ANO6: variants seen among roughly 807,000 people sequenced by gnomAD.
ANO6 encodes the protein anoctamin-6.
Under a neutral mutation model 117.5 loss-of-function variants are expected in ANO6, and 106 were observed. That is an observed-to-expected ratio of 0.90 (90% CI 0.77 to 1.06). The LOEUF (loss-of-function observed/expected upper bound fraction) is 1.06, where lower values mean the gene tolerates loss of function less well. ANO6 is among the 50% of genes least tolerant of loss of function. ANO6 has a pLI of 0.00. For missense variants in ANO6, 955 were observed against 1,121.1 expected, an observed-to-expected ratio of 0.85 and a Z score of 2.12; for synonymous variants, 367 against 385.1, an observed-to-expected ratio of 0.95 and a Z score of 0.55.
intron 1 of ANO6, among the ~76,000 whole-genome samples, chr12:45,263,971 A>T (rs1259015609): frequency 2.6e-5 from 4 of 152,228 alleles, no homozygotes; most frequent in Admixed American, 2.6e-4. Context: ...CCAGTCTGTT[A>T]TCAGAGCTGG....
intron 1 of ANO6, among the ~76,000 whole-genome samples, chr12:45,221,427 C>G (rs946270685): frequency 3.3e-5 from 5 of 152,142 alleles, no homozygotes; most frequent in Non-Finnish European, 7.4e-5. Flanking sequence ...GGAGGAGAGT[C>G]TGGAGTTCCA....
chr12:45,401,079 A>G (rs1343792145), intron 12 of ANO6, among the ~76,000 whole-genome samples: 1 of 152,232 alleles, frequency 6.6e-6, no homozygotes, highest in Non-Finnish European at 1.5e-5. Flanking sequence ...ATCTTGTGGA[A>G]ATACAAGTAC....
At chr12:45,392,237 C>A (rs1292262383) in intron 12 of ANO6, among the ~76,000 whole-genome samples, 1 of 152,230 alleles carries the variant, frequency 6.6e-6, no homozygotes, top group African/African-American at 2.4e-5. Context: ...CCCAAGGAGC[C>A]TTCCTGACTG....
intron 2 of ANO6, among the ~76,000 whole-genome samples, chr12:45,306,735 C>T (rs1939682371): frequency 6.6e-6 from 1 of 151,590 alleles, no homozygotes; most frequent in Non-Finnish European, 1.5e-5. Flanking sequence ...AAAAAAAAAT[C>T]CCTGCACTTG....
chr12:45,397,584 C>A (rs1361552158), intron 12 of ANO6, among the ~76,000 whole-genome samples: 4 of 152,110 alleles, frequency 2.6e-5, no homozygotes, highest in Non-Finnish European at 5.9e-5. Flanking sequence ...TGGAACCAAC[C>A]CAAATGTCCA....
chr12:45,359,842 T>G (rs1941508642), intron 8 of ANO6, among the ~76,000 whole-genome samples: 1 of 152,212 alleles, frequency 6.6e-6, no homozygotes, highest in South Asian at 2.1e-4. Context: ...AACTGTAGGT[T>G]TAACATTTTG....
intron 2 of ANO6, among the ~76,000 whole-genome samples, chr12:45,327,824 T>C (rs1051484620): frequency 6.6e-6 from 1 of 152,074 alleles, no homozygotes; most frequent in Non-Finnish European, 1.5e-5. Flanking sequence ...TTGTGTTGAG[T>C]ATATATTTTA....
intron 9 of ANO6, among the ~76,000 whole-genome samples, chr12:45,373,431 C>T (rs1253181160): frequency 6.6e-6 from 1 of 152,112 alleles, no homozygotes; most frequent in Non-Finnish European, 1.5e-5. Context: ...CCACACCACA[C>T]CTATTCCAAA....
At chr12:45,322,979 T>C (rs1408569678) in intron 2 of ANO6, among the ~76,000 whole-genome samples, 1 of 152,166 alleles carries the variant, frequency 6.6e-6, no homozygotes, top group Non-Finnish European at 1.5e-5. Flanking sequence ...TTGTGCCAGT[T>C]TTCATGTTAA....
At chr12:45,370,161 C>T (rs1014189576) in intron 9 of ANO6, among the ~76,000 whole-genome samples, 24 of 152,384 alleles carry the variant, frequency 1.6e-4, no homozygotes, top group African/African-American at 5.3e-4. Context: ...AGCTAGGCTT[C>T]TTACCCAGTA....
At position 45,432,020 on chromosome 12, in the gene ANO6, C is replaced by G; in HGVS notation, c.*2709C>G. 2.0e-6 allele frequency: 2 copies of G among 985,296 alleles called. No homozygotes were observed. The highest frequency in any genetic ancestry group is 2.4e-6 in the Non-Finnish European group (2 of 829,858). 61.0% of individuals were successfully genotyped at this position (985,296 alleles called of 1,614,324 possible). Reference sequence around the variant, plus strand: ...ACAAGGCCATCTTATAAACTGTCACCAAAGTCTTCCCTTTTTTATTGCATG... The same window carrying G: ...ACAAGGCCATCTTATAAACTGTCACGAAAGTCTTCCCTTTTTTATTGCATG... On this transcript the variant is annotated 3_prime_UTR_variant, in exon 20 of 20. Transcript: ENST00000320560.
intron 3 of ANO6, among the ~76,000 whole-genome samples, chr12:45,332,673 C>T (rs1477115205): frequency 1.3e-5 from 2 of 152,050 alleles, no homozygotes; most frequent in Admixed American, 6.6e-5. Flanking sequence ...TGTAGCATCC[C>T]TGTTTGGCAC....
At chr12:45,261,977 A>G (rs1938052204) in intron 1 of ANO6, among the ~76,000 whole-genome samples, 1 of 152,262 alleles carries the variant, frequency 6.6e-6, no homozygotes, top group Non-Finnish European at 1.5e-5. Context: ...AGTATAATAC[A>G]TCAAGGATCA....
chr12:45,434,070 T>C (rs1217976665), downstream of ANO6, among the ~76,000 whole-genome samples: 7 of 152,202 alleles, frequency 4.6e-5, no homozygotes, highest in Admixed American at 2.0e-4. Flanking sequence ...CTTTACCAAC[T>C]GGAAGATACG....
rs562412220 is a variant in ANO6 at position 45,379,169 on chromosome 12, C to T, written c.1165+1056C>T. Among the ~76,000 whole-genome samples, 91 of 152,302 alleles carry T rather than the reference C, an allele frequency of 6.0e-4. 1 individual carries two copies. Among genetic ancestry groups the T allele is most frequent in the Admixed American group, 1.0e-3 (16 of 15,304 alleles). ...CAGAGGAAAAAACTGAACCAAGTTT[C>T]TTATTCTTTAAAAGACAACACGTCA... On this transcript the variant is annotated intron_variant, in intron 10 of 19. Transcript: ENST00000320560.
intron 8 of ANO6, among the ~76,000 whole-genome samples, chr12:45,360,308 C>G (rs887440423): frequency 6.6e-6 from 1 of 152,200 alleles, no homozygotes; most frequent in African/African-American, 2.4e-5. Flanking sequence ...CTGGTGAGGG[C>G]TGCATCCTCT....
At chr12:45,399,999 G>A (rs900971067) in intron 12 of ANO6, among the ~76,000 whole-genome samples, 1 of 152,166 alleles carries the variant, frequency 6.6e-6, no homozygotes, top group African/African-American at 2.4e-5. Context: ...TAAAAGCTCT[G>A]GGATGAATTA....
intron 12 of ANO6, among the ~76,000 whole-genome samples, chr12:45,400,457 G>A (rs1168507095): frequency 1.3e-5 from 2 of 152,180 alleles, no homozygotes; most frequent in East Asian, 3.8e-4. Flanking sequence ...GATTACAGGA[G>A]AAATGTAATG....
chr12:45,357,761 G>A (rs1688524133), intron 8 of ANO6, among the ~76,000 whole-genome samples: 1 of 152,220 alleles, frequency 6.6e-6, no homozygotes, highest in South Asian at 2.1e-4. Context: ...CCCTGCAGAT[G>A]TGAGCCAAAA....
Sources: gnomAD v4.1 joint callset for allele counts (sites outside exome capture counted in the v4.1 genomes callset) on GRCh38, gnomAD v4.1.1 for gene constraint, MANE v1.5 for transcripts, NCBI Gene and HGNC (gene_info 2026-07-23, HGNC 2026-07-21) for gene names.